BTBD9: variants seen among roughly 807,000 people sequenced by gnomAD.
BTBD9 encodes the protein BTB/POZ domain-containing protein 9.
A neutral mutation model predicts 64.3 loss-of-function variants in BTBD9; 49 were observed. The ratio of observed to expected loss-of-function variants is 0.76; its 90% CI spans 0.61 to 0.97. The LOEUF is 0.97. BTBD9 is among the 50% of genes least tolerant of loss of function. The probability of loss-of-function intolerance (pLI) is 0.00; values close to 1 mark genes in which losing one functional copy is unlikely to be tolerated. For synonymous variants in BTBD9, 260 were observed against 274.7 expected, an observed-to-expected ratio of 0.95 and a Z score of 0.53; for missense variants, 598 against 762.1, an observed-to-expected ratio of 0.78 and a Z score of 2.53.
At chr6:38,258,552 C>T (rs1255125539) in intron 8 of BTBD9, among the ~76,000 whole-genome samples, 1 of 152,202 alleles carries the variant, frequency 6.6e-6, no homozygotes, top group Admixed American at 6.5e-5. Context: ...TCACATGGAG[C>T]TTAAACTCAG....
Position 38,169,513 on chromosome 6 carries a change from G to C in BTBD9, c.*5472C>G, listed in dbSNP as rs2127464069. The C allele has an allele frequency of 6.6e-6, 1 of 152,502 alleles. No homozygotes were observed. Among genetic ancestry groups the C allele is most frequent in the Non-Finnish European group, 1.5e-5 (1 of 68,198 alleles). The allele number at this position is 152,502 out of a possible 1,614,324, so 9.4% of individuals were successfully genotyped here. On this transcript the variant is annotated 3_prime_UTR_variant, in exon 11 of 11. Coordinates refer to ENST00000481247, the MANE Select transcript of BTBD9 (RefSeq NM_001099272.2). ...TAATATCAACGTCTCCAGTGACCCA[G>C]GGCCCAGTCCCTGCCCTGAAGGCTG... is the stretch of plus-strand genomic sequence containing the variant.
At chr6:38,558,593 T>A (rs557411338) in intron 6 of BTBD9, among the ~76,000 whole-genome samples, 25 of 152,332 alleles carry the variant, frequency 1.6e-4, no homozygotes, top group African/African-American at 6.0e-4. Context: ...TGAGGTTTTT[T>A]ATCATGAAGA....
chr6:38,322,891 T>A (rs57934228), intron 7 of BTBD9, among the ~76,000 whole-genome samples: 9,436 of 152,252 alleles, frequency 0.062, 816 homozygotes, highest in East Asian at 0.4. Flanking sequence ...AGACAGTTAC[T>A]GTCTGATAAA....
chr6:38,577,839 C>T, intron 5 of BTBD9, 120 bp from the exon 6 acceptor site: 1 of 876,950 alleles, frequency 1.1e-6, no homozygotes, highest in Non-Finnish European at 1.7e-6. Context: ...ACATTTTCTA[C>T]ATAATCAAAT....
intron 6 of BTBD9, among the ~76,000 whole-genome samples, chr6:38,390,003 G>A (rs1766341177): frequency 6.6e-6 from 1 of 152,092 alleles, no homozygotes; most frequent in Non-Finnish European, 1.5e-5. Context: ...AAAATACGAG[G>A]TTATAGGGCT....
chr6:38,539,541 C>A (rs1158209113), intron 6 of BTBD9, among the ~76,000 whole-genome samples: 2 of 152,116 alleles, frequency 1.3e-5, no homozygotes, highest in Non-Finnish European at 2.9e-5. Flanking sequence ...TTGATATTAA[C>A]CAAAGGTAGA....
chr6:38,213,991 A>C (rs924376589), intron 9 of BTBD9, among the ~76,000 whole-genome samples: 1 of 136,496 alleles, frequency 7.3e-6, no homozygotes, highest in Non-Finnish European at 1.6e-5. Context: ...GCGAGACTCC[A>C]TCTCAAATAA....
At chr6:38,563,259 T>G (rs1023625543) in intron 6 of BTBD9, among the ~76,000 whole-genome samples, 1 of 152,198 alleles carries the variant, frequency 6.6e-6, no homozygotes, top group Non-Finnish European at 1.5e-5. Flanking sequence ...ACAACAACTC[T>G]TAAGTTTCTA....
chr6:38,214,367 C>T (rs960921941), intron 9 of BTBD9, among the ~76,000 whole-genome samples: 10 of 152,384 alleles, frequency 6.6e-5, no homozygotes, highest in Non-Finnish European at 1.0e-4. Context: ...TGACCTAGCC[C>T]GCTGGCTCCC....
At chr6:38,501,273 T>C (rs1772184015) in intron 6 of BTBD9, among the ~76,000 whole-genome samples, 1 of 152,142 alleles carries the variant, frequency 6.6e-6, no homozygotes, top group Non-Finnish European at 1.5e-5. Context: ...GCCAACATGA[T>C]GAGCAAAGAA....
chr6:38,206,695 A>C (rs1205873475), intron 9 of BTBD9, among the ~76,000 whole-genome samples: 1 of 152,242 alleles, frequency 6.6e-6, no homozygotes, highest in Non-Finnish European at 1.5e-5. Flanking sequence ...CAGGAGGATG[A>C]AGCAGACAGG....
In BTBD9 at chr6:38,172,901, G is replaced by T. The variant is rs1244924609; in HGVS notation, c.*2084C>A. The T allele has an allele frequency of 1.3e-5, 2 of 152,316 alleles. No individual in the cohort carries two copies. The highest frequency in any genetic ancestry group is 3.9e-4 in the East Asian group (2 of 5,194). The allele number at this position is 152,316 out of a possible 1,614,324, so 9.4% of individuals were successfully genotyped here. ...CGTTCCCGGAGCACAGGAGGGCTCT[G>T]CGTGCTCTGTGGGCAGGGGACTGGA... On this transcript the variant is annotated 3_prime_UTR_variant, in exon 11 of 11. Transcript: ENST00000481247.
chr6:38,206,173 A>G (rs1029218051), intron 9 of BTBD9, among the ~76,000 whole-genome samples: 2 of 151,956 alleles, frequency 1.3e-5, no homozygotes, highest in African/African-American at 4.8e-5. Flanking sequence ...AGAATCAGTG[A>G]TAGTACACAG....
At chr6:38,306,152 C>T (rs1240096361) in intron 7 of BTBD9, among the ~76,000 whole-genome samples, 1 of 152,164 alleles carries the variant, frequency 6.6e-6, no homozygotes, top group African/African-American at 2.4e-5. Flanking sequence ...TGTTCATTAT[C>T]GTCTTTCATA....
At chr6:38,196,761 G>C (rs1762284861) in intron 9 of BTBD9, among the ~76,000 whole-genome samples, 1 of 152,106 alleles carries the variant, frequency 6.6e-6, no homozygotes, top group Non-Finnish European at 1.5e-5. Context: ...CTTATAAACA[G>C]GTGATGTTCC....
intron 7 of BTBD9, among the ~76,000 whole-genome samples, chr6:38,297,344 C>T (rs760111389): frequency 1.3e-5 from 2 of 151,890 alleles, no homozygotes; most frequent in Admixed American, 6.6e-5. Flanking sequence ...CCAGCCTGGG[C>T]AACAGAGTGA....
chr6:38,386,630 CTTTTTT>C (rs11423572), intron 6 of BTBD9, among the ~76,000 whole-genome samples: 36 of 92,774 alleles, frequency 3.9e-4, no homozygotes, highest in African/African-American at 1.4e-3. Context: ...CCAGTTTACT[CTTTTTT>C]TTTTTTTTTT....
intron 7 of BTBD9, among the ~76,000 whole-genome samples, chr6:38,290,109 C>G (rs1434687460): frequency 7.1e-6 from 1 of 140,486 alleles, no homozygotes; most frequent in Non-Finnish European, 1.6e-5. Context: ...CGTATGCCTT[C>G]ACTAATTGCT....
rs1010710198 is a variant in BTBD9 at position 38,593,861 on chromosome 6, C to A, written c.549+103G>T. 3 of 1,077,972 alleles carry A rather than the reference C, an allele frequency of 2.8e-6. No homozygotes were observed. In the East Asian group the frequency reaches 7.2e-5, roughly 26 times the overall value. 66.8% of individuals were successfully genotyped at this position (1,077,972 alleles called of 1,614,324 possible). On this transcript the variant is annotated intron_variant, in intron 3 of 10. Coordinates refer to ENST00000481247, the MANE Select transcript of BTBD9 (RefSeq NM_001099272.2). ...ATAACCAATGATAACGCTTTGATACCAATGATTTTTTTTATTATTCTTAGT... is the reference window on the plus strand; with the variant it reads ...ATAACCAATGATAACGCTTTGATACAAATGATTTTTTTTATTATTCTTAGT...
Sources: gnomAD v4.1 joint callset for allele counts (sites outside exome capture counted in the v4.1 genomes callset) on GRCh38, gnomAD v4.1.1 for gene constraint, MANE v1.5 for transcripts, NCBI Gene and HGNC (gene_info 2026-07-23, HGNC 2026-07-21) for gene names.